The following HIVEP3 variants were observed in gnomAD, a reference collection of about 807,000 sequenced individuals.
HIVEP3 encodes transcription factor HIVEP3.
In HIVEP3, 49 loss-of-function variants were observed where a neutral mutation model predicts 152.8. The observed-to-expected ratio is 0.32, with a 90% CI of 0.26 to 0.41. The LOEUF is 0.41. HIVEP3 is among the 10% of genes least tolerant of loss of function. The pLI is 1.00. For synonymous variants in HIVEP3, 1,269 were observed against 1,289.0 expected (o/e 0.98, Z 0.33); for missense variants, 2,790 against 3,103.3 (o/e 0.90, Z 2.40).
chr1:41,571,622 C>T lies in HIVEP3; in HGVS notation c.5207+3922G>A, dbSNP rs566240267. 2.6e-5 allele frequency among the ~76,000 whole-genome samples: 4 copies of T among 152,300 alleles called. 1 individual carries two copies. Among genetic ancestry groups the T allele is most frequent in the African/African-American group, 9.6e-5 (4 of 41,560 alleles). On this transcript the variant is annotated intron_variant, in intron 5 of 8. Transcript: ENST00000372583. ...GGGAGGAGACAGAAATGGATCTTAG[C>T]ACCAGTGTTATGACAGAAGTAACAC... is the stretch of plus-strand genomic sequence containing the variant.
intron 2 of HIVEP3, among the ~76,000 whole-genome samples, chr1:41,673,126 C>T (rs1380293847): frequency 1.3e-5 from 2 of 152,174 alleles, no homozygotes; most frequent in African/African-American, 4.8e-5. Context: ...TGTCTTCTCC[C>T]CCACCAAATG....
At chr1:41,539,696 C>T (rs1001604666) in intron 5 of HIVEP3, among the ~76,000 whole-genome samples, 1 of 152,216 alleles carries the variant, frequency 6.6e-6, no homozygotes, top group Non-Finnish European at 1.5e-5. Flanking sequence ...TCACAGTGAC[C>T]AGGCCCTCGC....
intron 1 of HIVEP3, among the ~76,000 whole-genome samples, chr1:41,820,410 T>C (rs975729491): frequency 6.6e-6 from 1 of 152,162 alleles, no homozygotes; most frequent in Non-Finnish European, 1.5e-5. Flanking sequence ...ACAGGTCTTA[T>C]TAATAGCACC....
Position 41,584,306 on chromosome 1 carries a change from G to A in HIVEP3, c.492C>T (p.Phe164=), listed in dbSNP as rs772680628. The change falls in exon 4 of 9, where the codon TTC becomes TTT. Residue 164 remains phenylalanine, a synonymous_variant. Coordinates refer to ENST00000372583, the MANE Select transcript of HIVEP3 (RefSeq NM_024503.5). The surrounding 1 kb of genome is among the most constrained non-coding windows in gnomAD (Gnocchi z 5.2). The stretch of plus-strand genomic sequence containing the variant: ...AGGAGACCTGGGAAGGACGAGGCAC[G>A]AAGACTTTGGGGACTCCAGGAAGGT... ...PEDLPGVPKV[F]VPRPSQVSLK... is the part of the protein sequence containing the mutation. 3.3e-5 allele frequency: 53 copies of A among 1,613,718 alleles called. No individual in the cohort carries two copies. The highest frequency in any genetic ancestry group is 4.0e-5 in the Non-Finnish European group (47 of 1,179,864).
intron 1 of HIVEP3, among the ~76,000 whole-genome samples, chr1:41,759,126 C>A (rs1479901065): frequency 1.3e-5 from 2 of 151,818 alleles, no homozygotes; most frequent in African/African-American, 4.8e-5. Flanking sequence ...TCCTGGCAAC[C>A]ACCAGTCTGC....
chr1:41,771,129 T>C (rs58763575), intron 1 of HIVEP3, among the ~76,000 whole-genome samples: 9,007 of 152,232 alleles, frequency 0.059, 286 homozygotes, highest in Middle Eastern at 0.15. Context: ...ACTCCTGGGG[T>C]GGGAGTGGAG....
chr1:41,869,830 A>T (rs1413875302), intron 1 of HIVEP3, among the ~76,000 whole-genome samples: 2 of 152,228 alleles, frequency 1.3e-5, no homozygotes, highest in African/African-American at 2.4e-5. Context: ...AGTTGAAAAA[A>T]TAAAGAAAAT....
At chr1:41,802,422 C>T (rs909189723) in intron 1 of HIVEP3, among the ~76,000 whole-genome samples, 4 of 152,112 alleles carry the variant, frequency 2.6e-5, no homozygotes, top group African/African-American at 9.7e-5. Context: ...CCTGATATTG[C>T]CCAGGCTAGT....
chr1:41,962,958 T>C (rs1645176641), intron 1 of HIVEP3, among the ~76,000 whole-genome samples: 1 of 152,224 alleles, frequency 6.6e-6, no homozygotes. Flanking sequence ...ACTAACTAGA[T>C]GCCAGTAACA....
intron 1 of HIVEP3, among the ~76,000 whole-genome samples, chr1:41,889,031 G>C (rs949450313): frequency 8.5e-6 from 1 of 117,326 alleles, no homozygotes; most frequent in Non-Finnish European, 1.8e-5. Context: ...TACCTCACAC[G>C]CTACACACAC....
intron 7 of HIVEP3, among the ~76,000 whole-genome samples, chr1:41,518,159 G>T (rs1642661653): frequency 6.6e-6 from 1 of 152,248 alleles, no homozygotes; most frequent in Non-Finnish European, 1.5e-5. Flanking sequence ...GGTAATGCAT[G>T]ATAGCTAGGG....
At chr1:41,559,213 C>A (rs1473559162) in intron 5 of HIVEP3, among the ~76,000 whole-genome samples, 1 of 152,168 alleles carries the variant, frequency 6.6e-6, no homozygotes, top group African/African-American at 2.4e-5. Flanking sequence ...TGGCTGGCTC[C>A]CAATGCCCTC....
chr1:41,732,551 TG>T (rs1259722170), intron 1 of HIVEP3, among the ~76,000 whole-genome samples: 1 of 151,888 alleles, frequency 6.6e-6, no homozygotes. Context: ...AAAGTAGCCT[TG>T]GGGTGGGGGG....
chr1:41,887,617 TA>T (rs1644367430), intron 1 of HIVEP3, among the ~76,000 whole-genome samples: 1 of 152,178 alleles, frequency 6.6e-6, no homozygotes, highest in Non-Finnish European at 1.5e-5. Flanking sequence ...GATGAATTTG[TA>T]AACTGGATAC....
At chr1:41,933,863 C>G (rs1405175102) in intron 1 of HIVEP3, among the ~76,000 whole-genome samples, 1 of 152,036 alleles carries the variant, frequency 6.6e-6, no homozygotes, top group African/African-American at 2.4e-5. Context: ...GAAGCAGCAG[C>G]CTTCCCAGTG....
intron 1 of HIVEP3, among the ~76,000 whole-genome samples, chr1:41,756,632 T>A (rs906007935): frequency 2.0e-5 from 3 of 152,224 alleles, no homozygotes; most frequent in Admixed American, 2.0e-4. Context: ...ATATATCCAA[T>A]GGAATATTAT....
chr1:41,763,354 T>C (rs1454034611), intron 1 of HIVEP3, among the ~76,000 whole-genome samples: 2 of 151,840 alleles, frequency 1.3e-5, no homozygotes, highest in Admixed American at 6.6e-5. Context: ...TGCACAGGGG[T>C]CCCCAAACCT....
chr1:41,804,337 G>C (rs754391281), intron 1 of HIVEP3, among the ~76,000 whole-genome samples: 3 of 152,206 alleles, frequency 2.0e-5, no homozygotes, highest in Admixed American at 6.5e-5. Flanking sequence ...GAAGGTTCCT[G>C]TGTGAAAGCT....
At chr1:41,632,306 T>C (rs1222494222) in intron 2 of HIVEP3, among the ~76,000 whole-genome samples, 1 of 152,144 alleles carries the variant, frequency 6.6e-6, no homozygotes, top group Non-Finnish European at 1.5e-5. Context: ...GGGTTGTAGG[T>C]GCCAGCGTTA....
Sources: gnomAD v4.1 joint callset for allele counts (sites outside exome capture counted in the v4.1 genomes callset) on GRCh38, gnomAD v4.1.1 for gene constraint, Gnocchi (gnomAD v3.1) non-coding constraint, MANE v1.5 for transcripts, NCBI Gene and HGNC (gene_info 2026-07-23, HGNC 2026-07-21) for gene names.